PTPRM: variants seen among roughly 807,000 people sequenced by gnomAD.
PTPRM encodes receptor-type tyrosine-protein phosphatase mu.
PTPRM carries 47 observed loss-of-function variants against 186.7 expected under a neutral mutation model. The ratio of observed to expected loss-of-function variants is 0.25; its 90% CI spans 0.20 to 0.32. The LOEUF is 0.32. Among genes scored for constraint, PTPRM ranks in the 10% least tolerant of loss-of-function variants. PTPRM has a pLI of 1.00. For missense variants in PTPRM, 1,494 were observed against 1,865.0 expected (o/e 0.80, Z 3.66); for synonymous variants, 668 against 674.9 (o/e 0.99, Z 0.16).
chr18:7,653,991 C>A lies in PTPRM; in HGVS notation c.73+86100C>A, dbSNP rs145694741. Among the ~76,000 whole-genome samples the A allele has an allele frequency of 1.7e-3, 260 of 152,230 alleles. 1 individual carries two copies. The highest frequency in any genetic ancestry group is 5.8e-3 in the African/African-American group (243 of 41,548). ...CTCACAGGCAGTTGTTATTTTTTGACTTTTTAATAATAGTCATTCCGACTG... is the reference window on the plus strand; with the variant it reads ...CTCACAGGCAGTTGTTATTTTTTGAATTTTTAATAATAGTCATTCCGACTG... On this transcript the variant is annotated intron_variant, in intron 1 of 32. Transcript: ENST00000580170.
intron 2 of PTPRM, among the ~76,000 whole-genome samples, chr18:7,882,314 T>C (rs1323821681): frequency 6.6e-6 from 1 of 152,224 alleles, no homozygotes; most frequent in African/African-American, 2.4e-5. Flanking sequence ...CTGGACTTTT[T>C]TTTTTAAAAA....
Position 8,248,151 on chromosome 18 carries a change from C to A in PTPRM, c.2529C>A (p.Asp843Glu), listed in dbSNP as rs755135667. The change falls in exon 17 of 33, where the codon GAC (aspartate) becomes GAA (glutamate). Residue 843 changes from aspartate to glutamate, a missense_variant and splice_region_variant. This residue lies in a region of PTPRM where 1,107 missense variants were observed against 1,350.2 expected (regional missense o/e 0.82). Transcript: ENST00000580170. Reference protein sequence around the residue: ...STSVPNSYYPDPFVPTAILVP... With the variant: ...STSVPNSYYPEPFVPTAILVP... ...TGACCTGCTTACGGTGTATGACAGA[C>A]CCATTTGTGCCAACTGCAATTTTAG... is the stretch of plus-strand genomic sequence containing the variant. 4 of 1,532,028 alleles carry A rather than the reference C, an allele frequency of 2.6e-6. No individual in the cohort carries two copies. The highest frequency in any genetic ancestry group is 2.2e-5 in the East Asian group (1 of 44,466). 94.9% of individuals were successfully genotyped at this position (1,532,028 alleles called of 1,614,324 possible).
Position 8,379,196 on chromosome 18 carries a change from A to C in PTPRM, c.3642A>C (p.Arg1214=), listed in dbSNP as rs374943216. 63 of 1,612,582 alleles carry C rather than the reference A, an allele frequency of 3.9e-5. No homozygotes were observed. In the African/African-American group the frequency reaches 6.7e-4, roughly 17 times the overall value. ...RTLNMVTPTL[R]VEDCSIALLP... is the part of the protein sequence containing the mutation. ...TAAACATGGTGACACCAACGCTGCG[A>C]GTAGAGGACTGCAGCATCGCACTGT... The change falls in exon 28 of 33, where the codon CGA becomes CGC. Residue 1214 remains arginine, a synonymous_variant. Transcript: ENST00000580170.
chr18:8,019,143 C>T (rs1422315002), intron 7 of PTPRM, among the ~76,000 whole-genome samples: 2 of 152,102 alleles, frequency 1.3e-5, no homozygotes, highest in Non-Finnish European at 2.9e-5. Flanking sequence ...CACAGAAGGA[C>T]CACGTTGAGA....
intron 4 of PTPRM, among the ~76,000 whole-genome samples, chr18:7,925,093 T>C (rs1387593390): frequency 1.3e-5 from 2 of 152,160 alleles, no homozygotes; most frequent in Non-Finnish European, 2.9e-5. Flanking sequence ...CTTGTTCCAT[T>C]TTCTAAAAAC....
chr18:8,287,197 A>G (rs1477405143), intron 19 of PTPRM, among the ~76,000 whole-genome samples: 1 of 152,216 alleles, frequency 6.6e-6, no homozygotes, highest in East Asian at 1.9e-4. Flanking sequence ...GGGAGGAAAA[A>G]TTGGAAAAAA....
At chr18:8,218,370 G>A (rs1445053104) in intron 14 of PTPRM, among the ~76,000 whole-genome samples, 1 of 146,184 alleles carries the variant, frequency 6.8e-6, no homozygotes, top group Admixed American at 6.8e-5. Flanking sequence ...TTAGAAGAAC[G>A]GTTAAACTAT....
chr18:8,068,162 T>C (rs2089222369), intron 7 of PTPRM, among the ~76,000 whole-genome samples: 1 of 152,182 alleles, frequency 6.6e-6, no homozygotes, highest in Non-Finnish European at 1.5e-5. Flanking sequence ...TTTTGAGGAA[T>C]AGGAAATTTA....
In PTPRM at chr18:8,108,639, T is replaced by C. The variant is rs139368626; in HGVS notation, c.1857-4847T>C. 2.3e-3 allele frequency among the ~76,000 whole-genome samples: 346 copies of C among 152,346 alleles called. 1 individual carries two copies. The highest frequency in any genetic ancestry group is 7.4e-3 in the African/African-American group (308 of 41,592). On this transcript the variant is annotated intron_variant, in intron 11 of 32. Transcript: ENST00000580170. Reference sequence around the variant, plus strand: ...GATGAAAGATGTTCAGATGTTCTTTTCTAGATTATACTTCATGTGCTATTC... The same window carrying C: ...GATGAAAGATGTTCAGATGTTCTTTCCTAGATTATACTTCATGTGCTATTC...
intron 14 of PTPRM, among the ~76,000 whole-genome samples, chr18:8,239,797 T>C (rs79291229): frequency 0.16 from 24,336 of 152,200 alleles, 2,162 homozygotes; most frequent in African/African-American, 0.24. Flanking sequence ...ACTCCTTTCA[T>C]GCCAGGCTAG....
intron 20 of PTPRM, among the ~76,000 whole-genome samples, chr18:8,303,374 C>T (rs1407219754): frequency 6.6e-6 from 1 of 152,142 alleles, no homozygotes; most frequent in Non-Finnish European, 1.5e-5. Context: ...TTCTTCTAGC[C>T]AGTGAGCCAA....
chr18:8,127,333 G>A (rs921185520), intron 13 of PTPRM, among the ~76,000 whole-genome samples: 4 of 151,648 alleles, frequency 2.6e-5, no homozygotes, highest in Non-Finnish European at 4.4e-5. Context: ...CCCTTCCAGG[G>A]GCCATATTTT....
At chr18:7,656,654 G>T (rs1293472827) in intron 1 of PTPRM, among the ~76,000 whole-genome samples, 1 of 152,108 alleles carries the variant, frequency 6.6e-6, no homozygotes, top group Admixed American at 6.5e-5. Flanking sequence ...GAACAGAAGG[G>T]GTTTTTAGGG....
chr18:7,814,074 C>T (rs1346606879), intron 2 of PTPRM: 2 of 152,176 alleles, frequency 1.3e-5, no homozygotes, highest in Non-Finnish European at 2.9e-5. Context: ...AAATATTTAA[C>T]ACTTTGTGGT....
chr18:8,317,443 G>C (rs969427739), intron 21 of PTPRM, among the ~76,000 whole-genome samples: 1 of 151,964 alleles, frequency 6.6e-6, no homozygotes, highest in Non-Finnish European at 1.5e-5. Context: ...GCAGGCAGTG[G>C]GTATGCATCA....
chr18:7,933,198 T>G (rs940739476), intron 5 of PTPRM, among the ~76,000 whole-genome samples: 1 of 152,132 alleles, frequency 6.6e-6, no homozygotes. Flanking sequence ...ACAGGAGTAG[T>G]GATGATGGCA....
intron 1 of PTPRM, among the ~76,000 whole-genome samples, chr18:7,673,166 A>G (rs2039257723): frequency 6.6e-6 from 1 of 152,214 alleles, no homozygotes; most frequent in Non-Finnish European, 1.5e-5. Flanking sequence ...TGCTCTTCCT[A>G]TGAACTGACA....
chr18:8,120,123 A>C (rs1459686450), intron 13 of PTPRM, among the ~76,000 whole-genome samples: 3 of 152,290 alleles, frequency 2.0e-5, no homozygotes, highest in African/African-American at 7.2e-5. Context: ...AAGAGCAGCC[A>C]TAGGCAATAC....
At chr18:8,301,656 C>A (rs1201900634) in intron 20 of PTPRM, among the ~76,000 whole-genome samples, 3 of 152,208 alleles carry the variant, frequency 2.0e-5, no homozygotes, top group African/African-American at 7.2e-5. Flanking sequence ...TGTTATACAC[C>A]AGGCACTATT....
Sources: allele counts gnomAD v4.1 joint callset (sites outside exome capture counted in the v4.1 genomes callset), GRCh38; gene constraint gnomAD v4.1.1; regional missense constraint gnomAD v4.1.1; transcripts MANE v1.5; gene names NCBI Gene and HGNC (gene_info 2026-07-23, HGNC 2026-07-21).